RASSF3: variants seen among roughly 807,000 people sequenced by gnomAD.
RASSF3 encodes the protein Ras association domain family member 3.
RASSF3 carries 19 observed loss-of-function variants against 19.9 expected under a neutral mutation model. The observed-to-expected ratio is 0.96, with a 90% CI of 0.67 to 1.40. RASSF3 has a LOEUF of 1.40. Among genes scored for constraint, RASSF3 ranks in the 40% most tolerant of loss-of-function variants. The pLI is 0.00. For missense variants in RASSF3, 306 were observed against 289.8 expected (o/e 1.06, Z -0.41); for synonymous variants, 110 against 104.2 (o/e 1.06, Z -0.34).
At chr12:64,587,598 G>A (rs926334165) in intron 2 of RASSF3, among the ~76,000 whole-genome samples, 6 of 152,170 alleles carry the variant, frequency 3.9e-5, no homozygotes. Context: ...TAATGAGTCT[G>A]AAGCCTGGAG....
intron 1 of RASSF3, among the ~76,000 whole-genome samples, chr12:64,673,226 A>G (rs1045927630): frequency 2.0e-5 from 3 of 152,172 alleles, no homozygotes; most frequent in African/African-American, 7.2e-5. Context: ...AAGGAGATGT[A>G]TGGCTGCTGG....
chr12:64,619,979 CAAA>C (rs67795096), intron 1 of RASSF3, among the ~76,000 whole-genome samples: 3 of 102,186 alleles, frequency 2.9e-5, no homozygotes, highest in Admixed American at 1.0e-4. Flanking sequence ...GACTTTATAT[CAAA>C]AAAAAAAAAA....
chr12:64,686,575 C>T (rs1452876360), intron 2 of RASSF3, among the ~76,000 whole-genome samples: 1 of 152,124 alleles, frequency 6.6e-6, no homozygotes, highest in African/African-American at 2.4e-5. Context: ...CGTGCCACTG[C>T]ACTCCAGCCT....
intron 1 of RASSF3, among the ~76,000 whole-genome samples, chr12:64,656,460 A>G (rs536466146): frequency 2.3e-4 from 35 of 152,316 alleles, no homozygotes; most frequent in African/African-American, 7.5e-4. Flanking sequence ...GTGATGCTTA[A>G]AAAATGCTGT....
At chr12:64,563,498 T>C (rs548707871) in intron 2 of RASSF3, among the ~76,000 whole-genome samples, 4 of 152,300 alleles carry the variant, frequency 2.6e-5, no homozygotes, top group African/African-American at 9.6e-5. Flanking sequence ...TAAATCAGAT[T>C]ACATCTGATG....
intron 1 of RASSF3, among the ~76,000 whole-genome samples, chr12:64,661,881 C>T (rs1872377727): frequency 6.6e-6 from 1 of 151,328 alleles, no homozygotes; most frequent in Non-Finnish European, 1.5e-5. Context: ...GGGCTTCACC[C>T]TGTTGGCCAG....
chr12:64,560,594 C>T (rs895062128), intron 2 of RASSF3, among the ~76,000 whole-genome samples: 9 of 152,214 alleles, frequency 5.9e-5, no homozygotes, highest in Non-Finnish European at 8.8e-5. Flanking sequence ...GAACTATCCA[C>T]GCCCCGTATA....
At chr12:64,584,648 A>T (rs1014445119) in intron 2 of RASSF3, among the ~76,000 whole-genome samples, 2 of 152,100 alleles carry the variant, frequency 1.3e-5, no homozygotes, top group Non-Finnish European at 2.9e-5. Context: ...ATGCACGCAA[A>T]CAAATACATT....
In RASSF3 at chr12:64,696,039, C is replaced by G. The variant is rs916901794; in HGVS notation, c.*1127C>G. 3 of 151,142 alleles carry G rather than the reference C, an allele frequency of 2.0e-5. No individual in the cohort carries two copies. Among genetic ancestry groups the G allele is most frequent in the Non-Finnish European group, 4.4e-5 (3 of 67,908 alleles). The allele number at this position is 151,142 out of a possible 1,614,324, so 9.4% of individuals were successfully genotyped here. On this transcript the variant is annotated 3_prime_UTR_variant, in exon 5 of 5. Coordinates refer to ENST00000542104, the MANE Select transcript of RASSF3 (RefSeq NM_178169.4). ...TCCTCCTTTCCTTTTCCTTTCTTCC[C>G]TTTTTTCTTTCCTTCCCTGCTGTCT... is the stretch of plus-strand genomic sequence containing the variant.
intron 1 of RASSF3, among the ~76,000 whole-genome samples, chr12:64,626,351 C>T (rs1232641234): frequency 6.6e-6 from 1 of 151,916 alleles, no homozygotes; most frequent in East Asian, 1.9e-4. Context: ...CCTGGGCCAA[C>T]ATGGTGAAAC....
chr12:64,689,804 T>TTTTTTTTTTTTTTTGACGG (rs11272662), intron 3 of RASSF3, among the ~76,000 whole-genome samples: 1 of 146,316 alleles, frequency 6.8e-6, no homozygotes, highest in South Asian at 2.3e-4. Flanking sequence ...TTTTTTTTTT[T>TTTTTTTTTTTTTTTGACGG]GAGACGGAGT....
intron 1 of RASSF3, among the ~76,000 whole-genome samples, chr12:64,646,464 G>A (rs1018684670): frequency 6.6e-6 from 1 of 152,208 alleles, no homozygotes; most frequent in Non-Finnish European, 1.5e-5. Context: ...TCTGATTAGT[G>A]CAAGTTGGGT....
At chr12:64,613,954 A>C (rs1870461903) in intron 1 of RASSF3, among the ~76,000 whole-genome samples, 1 of 152,132 alleles carries the variant, frequency 6.6e-6, no homozygotes, top group Non-Finnish European at 1.5e-5. Context: ...TCTCAAAAAC[A>C]AAACTGTCTA....
At chr12:64,529,942 C>T (rs1472921068), upstream of RASSF3, among the ~76,000 whole-genome samples, 1 of 152,122 alleles carries the variant, frequency 6.6e-6, no homozygotes, top group Non-Finnish European at 1.5e-5. Context: ...TAGTACTATG[C>T]TTTTATTCTG....
chr12:64,566,658 T>G (rs542687646), intron 2 of RASSF3, among the ~76,000 whole-genome samples: 36 of 152,174 alleles, frequency 2.4e-4, no homozygotes, highest in African/African-American at 8.2e-4. Flanking sequence ...GAATATGAAC[T>G]GAGGGCTCCA....
chr12:64,674,562 CAG>C, intron 1 of RASSF3, among the ~76,000 whole-genome samples: 1 of 152,310 alleles, frequency 6.6e-6, no homozygotes, highest in East Asian at 1.9e-4. Context: ...GCCTGGGCGA[CAG>C]AGTGAGACCC....
chr12:64,586,532 T>C (rs1592409132), intron 2 of RASSF3, among the ~76,000 whole-genome samples: 2 of 110,838 alleles, frequency 1.8e-5, no homozygotes, highest in Admixed American at 8.8e-5. Context: ...AAAGTAAAAA[T>C]CCCCCATAAA....
chr12:64,545,826 C>CA (rs1179599123), downstream of RASSF3, among the ~76,000 whole-genome samples: 3 of 152,052 alleles, frequency 2.0e-5, no homozygotes, highest in African/African-American at 7.2e-5. Context: ...TGCAGTGAGC[C>CA]ATGATCACAC....
At chr12:64,617,382 C>T (rs1435034682) in intron 1 of RASSF3, among the ~76,000 whole-genome samples, 1 of 152,148 alleles carries the variant, frequency 6.6e-6, no homozygotes, top group Non-Finnish European at 1.5e-5. Flanking sequence ...GGGTGGTGAA[C>T]AATACACAGT....
Sources: allele counts gnomAD v4.1 joint callset (sites outside exome capture counted in the v4.1 genomes callset), GRCh38; gene constraint gnomAD v4.1.1; transcripts MANE v1.5; gene names NCBI Gene and HGNC (gene_info 2026-07-23, HGNC 2026-07-21).